The following LRP5 variants were observed in gnomAD, a reference collection of about 807,000 sequenced individuals.
LRP5 encodes low-density lipoprotein receptor-related protein 5.
Under a neutral mutation model 154.1 loss-of-function variants are expected in LRP5, and 62 were observed. The observed-to-expected ratio is 0.40, with a 90% CI of 0.33 to 0.50. The LOEUF (loss-of-function observed/expected upper bound fraction) is 0.50. Ranked by LOEUF, LRP5 falls within the 20% of genes least tolerant of loss-of-function variation. The probability of loss-of-function intolerance (pLI) is 0.55; values close to 1 mark genes in which losing one functional copy is unlikely to be tolerated. For synonymous variants in LRP5, 966 were observed against 1,011.5 expected (o/e 0.96, Z 0.85); for missense variants, 1,915 against 2,336.7 (o/e 0.82, Z 3.72).
At chr11:68,328,211 C>G (rs2098600757) in intron 1 of LRP5, among the ~76,000 whole-genome samples, 2 of 150,116 alleles carry the variant, frequency 1.3e-5, no homozygotes, top group Non-Finnish European at 3.0e-5. Flanking sequence ...CGGGCCTTGG[C>G]ATCCACGTTG....
At chr11:68,405,445 G>A (rs1289267809) in intron 8 of LRP5, among the ~76,000 whole-genome samples, 5 of 149,898 alleles carry the variant, frequency 3.3e-5, no homozygotes, top group African/African-American at 1.2e-4. Flanking sequence ...ACTCCAGCCT[G>A]GGTGACAGAC....
At chr11:68,366,912 C>CGGG (rs779060263) in intron 5 of LRP5, among the ~76,000 whole-genome samples, 1 of 128,788 alleles carries the variant, frequency 7.8e-6, no homozygotes, top group Non-Finnish European at 1.6e-5. Context: ...GAACACTTGC[C>CGGG]GGGTGCTGGC....
Position 68,411,612 on chromosome 11 carries a change from A to G in LRP5, c.2495A>G (p.Asn832Ser), listed in dbSNP as rs545636414. The G allele has an allele frequency of 3.1e-6, 5 of 1,610,766 alleles. No homozygotes were observed. Among genetic ancestry groups the G allele is most frequent in the Middle Eastern group, 1.7e-4 (1 of 6,002 alleles). The change falls in exon 11 of 23, where the codon AAC (asparagine) becomes AGC (serine). Residue 832 changes from asparagine to serine, a missense_variant. Around this residue, in one of 3 missense-constraint regions of LRP5, gnomAD observed 1,094 missense variants for 1,210.1 expected, o/e 0.90. Coordinates refer to ENST00000294304, the MANE Select transcript of LRP5 (RefSeq NM_002335.4). ...GACACCAACATGATCGAGTCGTCCA[A>G]CATGCTGGGTGAGGGCCGGGCTGGG... ...DLDTNMIESS[N>S]MLGQERVVIA...
rs548743187 is a variant in LRP5, at chr11:68,316,660, CTTGG to C, written c.91+3863_91+3866del. 2.1e-4 allele frequency among the ~76,000 whole-genome samples: 32 copies of C among 152,344 alleles called. No homozygotes were observed. In the South Asian group the frequency reaches 6.4e-3, roughly 31 times the overall value. ...CAGTTCATCCGCTGATTGGATTGAT[CTTGG>C]TTGGTTGCATCTCCCAGCCGGCACG... On this transcript the variant is annotated intron_variant, in intron 1 of 22. Transcript: ENST00000294304.
rs1401413987 is a variant in LRP5 at position 68,321,061 on chromosome 11, T to G, written c.91+8256T>G. ...ATTCAGACATTATTCTGTCTGGGTT[T>G]TTTTTTTTTTTTTTTTTTTGTATAT... On this transcript the variant is annotated intron_variant, in intron 1 of 22. Coordinates refer to ENST00000294304, the MANE Select transcript of LRP5 (RefSeq NM_002335.4). 4.4e-3 allele frequency among the ~76,000 whole-genome samples: 485 copies of G among 110,932 alleles called. 2 individuals are homozygous for G. Among genetic ancestry groups the G allele is most frequent in the Non-Finnish European group, 6.3e-3 (366 of 57,684 alleles). 72.8% of individuals were successfully genotyped at this position (110,932 alleles called of 152,430 possible). A position where few individuals can be genotyped will look rare whatever the true frequency, so the allele number is the denominator to read the frequency against.
Position 68,426,131 on chromosome 11 carries a change from G to A in LRP5, c.3581G>A (p.Arg1194His), listed in dbSNP as rs201017887. Reference sequence around the variant, plus strand: ...GACAAGCGGACTCGCATCCAGGGCCGTGTCGCCCACCTCACTGGCATCCAT... The same window carrying A: ...GACAAGCGGACTCGCATCCAGGGCCATGTCGCCCACCTCACTGGCATCCAT... The part of the protein sequence containing the change: ...TGDKRTRIQG[R>H]VAHLTGIHAV... Residue 1194 changes from arginine (R) to histidine (H), a missense_variant, in exon 16 of 23, where the codon CGT (arginine) becomes CAT (histidine). By Grantham distance (29) the Arg-to-His change is conservative (BLOSUM62 0). Transcript: ENST00000294304. The A allele has an allele frequency of 1.7e-5, 27 of 1,613,022 alleles. No individual in the cohort carries two copies. Among genetic ancestry groups the A allele is most frequent in the South Asian group, 7.7e-5 (7 of 91,090 alleles).
At chr11:68,399,049 G>A (rs558312781) in intron 7 of LRP5, among the ~76,000 whole-genome samples, 7 of 152,200 alleles carry the variant, frequency 4.6e-5, no homozygotes, top group East Asian at 1.9e-4. Context: ...AAGTTTTGCC[G>A]GGTGTGGTAG....
At position 68,363,963 on chromosome 11, in the gene LRP5, C is replaced by G; in HGVS notation, c.883+20C>G. On this transcript the variant is annotated intron_variant, in intron 4 of 22. Coordinates refer to ENST00000294304, the MANE Select transcript of LRP5 (RefSeq NM_002335.4). The stretch of plus-strand genomic sequence containing the variant: ...CTTTCTGTGAGTGCCGGCTGGGGCG[C>G]GGGGGCGAGGGTGCGGGGGCTGGGG... 4 of 676,146 alleles carry G rather than the reference C, an allele frequency of 5.9e-6. No individual in the cohort carries two copies. Among genetic ancestry groups the G allele is most frequent in the Non-Finnish European group, 8.5e-6 (4 of 470,966 alleles). The allele number at this position is 676,146 out of a possible 1,614,324, so 41.9% of individuals were successfully genotyped here.
At chr11:68,414,616 T>G (rs1255453687) in intron 12 of LRP5, among the ~76,000 whole-genome samples, 1 of 151,976 alleles carries the variant, frequency 6.6e-6, no homozygotes, top group Non-Finnish European at 1.5e-5. Context: ...CTATGGCCCC[T>G]CTGGAGTACA....
At chr11:68,439,669 T>C in intron 20 of LRP5, 108 bp from the exon 21 acceptor site, 2 of 1,212,200 alleles carry the variant, frequency 1.6e-6, no homozygotes. Context: ...CACACCGCCC[T>C]GGTCTGAGTC....
rs1240305597 is a variant in LRP5 at position 68,413,614 on chromosome 11, C to T, written c.2504-75C>T. Reference sequence around the variant, plus strand: ...TAGGCTGCAGGGTTGAACCCTGGCTCACCCCGCAGGGCGCCGTGTGCTCTG... The same window carrying T: ...TAGGCTGCAGGGTTGAACCCTGGCTTACCCCGCAGGGCGCCGTGTGCTCTG... On this transcript the variant is annotated intron_variant, in intron 11 of 22. Coordinates refer to ENST00000294304, the MANE Select transcript of LRP5 (RefSeq NM_002335.4). This position sits in a 1 kb window ranked among gnomAD's most constrained non-coding sequence, Gnocchi z 5.1. 4 of 1,362,316 alleles carry T rather than the reference C, an allele frequency of 2.9e-6. No individual in the cohort carries two copies. Among genetic ancestry groups the T allele is most frequent in the Non-Finnish European group, 4.2e-6 (4 of 955,132 alleles). The allele number at this position is 1,362,316 out of a possible 1,614,324, so 84.4% of individuals were successfully genotyped here. A position where few individuals can be genotyped will look rare whatever the true frequency, so the allele number is the denominator to read the frequency against.
At chr11:68,359,790 G>T (rs1046038625) in intron 3 of LRP5, among the ~76,000 whole-genome samples, 8 of 138,390 alleles carry the variant, frequency 5.8e-5, no homozygotes, top group East Asian at 2.1e-4. Flanking sequence ...TTGTTTGTTT[G>T]TTTTTTTTTT....
intron 5 of LRP5, among the ~76,000 whole-genome samples, chr11:68,374,071 C>G (rs1160667262): frequency 1.4e-5 from 2 of 146,518 alleles, no homozygotes; most frequent in Admixed American, 1.3e-4. Context: ...CTCACCCAGA[C>G]AGAGTTTTAA....
At chr11:68,371,573 C>T (rs774981544) in intron 5 of LRP5, among the ~76,000 whole-genome samples, 6 of 152,268 alleles carry the variant, frequency 3.9e-5, no homozygotes, top group African/African-American at 7.2e-5. Context: ...TCGCTGTTCT[C>T]GGTTCCTCTG....
At chr11:68,313,604 G>A (rs2098590549) in intron 1 of LRP5, among the ~76,000 whole-genome samples, 1 of 152,230 alleles carries the variant, frequency 6.6e-6, no homozygotes, top group Non-Finnish European at 1.5e-5. Context: ...TTAAGCAGTC[G>A]TGAAACGCTA....
chr11:68,446,605 A>G, intron 22 of LRP5, 72 bp downstream of exon 22: 1 of 1,279,572 alleles, frequency 7.8e-7, no homozygotes, highest in East Asian at 2.3e-5. Flanking sequence ...CCTAATCCCC[A>G]TGCCACTGAT....
At chr11:68,401,233 G>A (rs904822313) in intron 7 of LRP5, among the ~76,000 whole-genome samples, 1 of 152,212 alleles carries the variant, frequency 6.6e-6, no homozygotes, top group African/African-American at 2.4e-5. Context: ...TGGCCTTTGC[G>A]TGTCTTCCTG....
intron 5 of LRP5, among the ~76,000 whole-genome samples, chr11:68,376,415 A>G (rs375147192): frequency 4.5e-4 from 68 of 152,004 alleles, no homozygotes; most frequent in African/African-American, 1.2e-3. Flanking sequence ...TCTCCTGACC[A>G]TCTCGTGATC....
chr11:68,343,196 G>A (rs902559880), intron 1 of LRP5, among the ~76,000 whole-genome samples: 4 of 152,166 alleles, frequency 2.6e-5, no homozygotes, highest in East Asian at 1.9e-4. Flanking sequence ...GTGGGGGCTC[G>A]CTGCCTCCCG....
Sources: gnomAD v4.1 joint callset for allele counts (sites outside exome capture counted in the v4.1 genomes callset) on GRCh38, gnomAD v4.1.1 for gene constraint, gnomAD v4.1.1 regional missense constraint, Gnocchi (gnomAD v3.1) non-coding constraint, MANE v1.5 for transcripts, NCBI Gene and HGNC (gene_info 2026-07-23, HGNC 2026-07-21) for gene names.